Variants in NALF1 observed in about 807,000 individuals in gnomAD.
NALF1 encodes NALCN channel auxiliary factor 1.
A neutral mutation model predicts 48.4 loss-of-function variants in NALF1; 3 were observed. The ratio of observed to expected loss-of-function variants is 0.06; its 90% CI spans 0.03 to 0.16. The LOEUF (loss-of-function observed/expected upper bound fraction) is 0.16, where lower values mean the gene tolerates loss of function less well. Ranked by LOEUF, NALF1 falls within the 10% of genes least tolerant of loss-of-function variation. The pLI is 1.00. For missense variants in NALF1, 526 were observed against 571.5 expected, an observed-to-expected ratio of 0.92 and a Z score of 0.81; for synonymous variants, 262 against 245.7, an observed-to-expected ratio of 1.07 and a Z score of -0.62.
At chr13:107,780,523 C>T (rs926907705) in intron 1 of NALF1, among the ~76,000 whole-genome samples, 4 of 149,954 alleles carry the variant, frequency 2.7e-5, no homozygotes, top group Non-Finnish European at 4.4e-5. Context: ...TTTTTTAAGA[C>T]GCAGTCTCAC....
At chr13:107,632,847 G>C (rs1479783047) in intron 1 of NALF1, among the ~76,000 whole-genome samples, 1 of 148,450 alleles carries the variant, frequency 6.7e-6, no homozygotes, top group Non-Finnish European at 1.5e-5. Flanking sequence ...GAGTTCTCTA[G>C]AGGAAAAACA....
rs1878601812 is a variant in NALF1, at chr13:107,163,610, G to A, written c.*6887C>T. 6.6e-6 allele frequency: 1 copy of A among 152,038 alleles called. No homozygotes were observed. The highest frequency in any genetic ancestry group is 1.5e-5 in the Non-Finnish European group (1 of 68,004). 9.4% of individuals were successfully genotyped at this position (152,038 alleles called of 1,614,324 possible). On this transcript the variant is annotated 3_prime_UTR_variant, in exon 3 of 3. Coordinates refer to ENST00000375915, the MANE Select transcript of NALF1 (RefSeq NM_001080396.3). ...ATTTCTTTAGCTACTAATATACTCC[G>A]GAATGTTCCTTTCCACATTCTTAGT...
chr13:107,445,824 G>C (rs1371288983), intron 1 of NALF1, among the ~76,000 whole-genome samples: 1 of 151,916 alleles, frequency 6.6e-6, no homozygotes, highest in Non-Finnish European at 1.5e-5. Context: ...GGCTATTGGT[G>C]ATGAGCAGAA....
At chr13:107,173,588 T>A (rs1203927522) in intron 2 of NALF1, among the ~76,000 whole-genome samples, 4 of 152,230 alleles carry the variant, frequency 2.6e-5, no homozygotes, top group African/African-American at 9.6e-5. Context: ...CCGTCATGCC[T>A]GATGAGTCTC....
At chr13:107,415,545 GA>G (rs200343970) in intron 1 of NALF1, among the ~76,000 whole-genome samples, 5 of 151,552 alleles carry the variant, frequency 3.3e-5, no homozygotes, top group Middle Eastern at 3.4e-3. Flanking sequence ...TCATTATCCT[GA>G]AAAAAAATCT....
At chr13:107,839,037 C>G (rs985896401) in intron 1 of NALF1, among the ~76,000 whole-genome samples, 7 of 152,080 alleles carry the variant, frequency 4.6e-5, no homozygotes, top group African/African-American at 1.7e-4. Flanking sequence ...ATATCTTGCC[C>G]TCTCAGACAG....
intron 1 of NALF1, among the ~76,000 whole-genome samples, chr13:107,578,783 G>A (rs898824503): frequency 1.3e-5 from 2 of 152,094 alleles, no homozygotes; most frequent in African/African-American, 4.8e-5. Flanking sequence ...GGAACCACTC[G>A]TATGAATATG....
rs551832070 is a variant in NALF1, at chr13:107,605,645, A to G, written c.915+260037T>C. Among the ~76,000 whole-genome samples, 6 of 152,306 alleles carry G rather than the reference A, an allele frequency of 3.9e-5. No individual in the cohort carries two copies. The East Asian group carries it at 1.2e-3, about 29-fold the overall frequency. On this transcript the variant is annotated intron_variant, in intron 1 of 2. Coordinates refer to ENST00000375915, the MANE Select transcript of NALF1 (RefSeq NM_001080396.3). ...AACTTGATCCTTCTTGGAAATTTCCATCTATGTACATATGACACTAAAATG... is the reference window on the plus strand; with the variant it reads ...AACTTGATCCTTCTTGGAAATTTCCGTCTATGTACATATGACACTAAAATG...
chr13:107,196,191 T>C (rs1485041329), intron 2 of NALF1, among the ~76,000 whole-genome samples: 5 of 152,166 alleles, frequency 3.3e-5, no homozygotes, highest in Admixed American at 3.3e-4. Context: ...GAAAAATAAC[T>C]AATGGGTACT....
intron 2 of NALF1, among the ~76,000 whole-genome samples, chr13:107,194,366 A>T (rs563699146): frequency 2.6e-5 from 4 of 152,346 alleles, no homozygotes; most frequent in African/African-American, 9.6e-5. Flanking sequence ...TGGTATGCAT[A>T]GAAATAGGCA....
chr13:107,503,414 G>A (rs377339680), intron 1 of NALF1, among the ~76,000 whole-genome samples: 1 of 152,070 alleles, frequency 6.6e-6, no homozygotes, highest in Admixed American at 6.6e-5. Context: ...TACCTCACAC[G>A]CACAAAAATG....
intron 1 of NALF1, among the ~76,000 whole-genome samples, chr13:107,809,978 C>T (rs73587726): frequency 0.055 from 8,328 of 151,910 alleles, 788 homozygotes; most frequent in African/African-American, 0.19. Context: ...CTCCTTTCTT[C>T]TTCTCTCCTA....
intron 1 of NALF1, among the ~76,000 whole-genome samples, chr13:107,864,541 A>G (rs117334198): frequency 0.012 from 1,895 of 152,336 alleles, 22 homozygotes; most frequent in Middle Eastern, 0.031. Flanking sequence ...TTGGGAAAGT[A>G]GGAGAGAAAG....
intron 1 of NALF1, among the ~76,000 whole-genome samples, chr13:107,693,336 G>GA (rs1881612298): frequency 1.9e-5 from 2 of 107,778 alleles, no homozygotes; most frequent in Non-Finnish European, 2.1e-5. Flanking sequence ...GGTAGGGGGG[G>GA]CGGGAGGGAT....
intron 1 of NALF1, among the ~76,000 whole-genome samples, chr13:107,815,140 A>T (rs1046538717): frequency 2.0e-5 from 3 of 152,060 alleles, no homozygotes; most frequent in East Asian, 1.9e-4. Flanking sequence ...GTAATAAAAT[A>T]AAAAAAAGAT....
intron 1 of NALF1, among the ~76,000 whole-genome samples, chr13:107,845,686 C>T (rs1880154330): frequency 1.3e-5 from 2 of 152,116 alleles, no homozygotes; most frequent in South Asian, 4.1e-4. Context: ...AACCCCTAGG[C>T]TTTTTGGGAG....
chr13:107,773,881 T>C (rs1351601847), intron 1 of NALF1, among the ~76,000 whole-genome samples: 5 of 151,964 alleles, frequency 3.3e-5, no homozygotes, highest in African/African-American at 1.2e-4. Flanking sequence ...AGTATAATAA[T>C]AATAAAAAAA....
chr13:107,498,178 T>A (rs77671851), intron 1 of NALF1, among the ~76,000 whole-genome samples: 8,550 of 152,238 alleles, frequency 0.056, 324 homozygotes, highest in Non-Finnish European at 0.086. Context: ...TAAAGCTACA[T>A]CTGGTGATGA....
chr13:107,556,234 A>G lies in NALF1; in HGVS notation c.915+309448T>C, dbSNP rs148006780. On this transcript the variant is annotated intron_variant, in intron 1 of 2. Transcript: ENST00000375915. ...GGACTGATAGTCATTCCTTTTGCTT[A>G]TCTTCAGAGATGTGCCTCTCCTCTC... 8.3e-3 allele frequency among the ~76,000 whole-genome samples: 1,252 copies of G among 150,576 alleles called. 20 individuals carry two copies. Among genetic ancestry groups the G allele is most frequent in the African/African-American group, 0.029 (1,186 of 40,798 alleles).
Sources: gnomAD v4.1 joint callset for allele counts (sites outside exome capture counted in the v4.1 genomes callset) on GRCh38, gnomAD v4.1.1 for gene constraint, MANE v1.5 for transcripts, NCBI Gene and HGNC (gene_info 2026-07-23, HGNC 2026-07-21) for gene names.